The following KCNH6 variants were observed in gnomAD, a reference collection of about 807,000 sequenced individuals.
The protein encoded by KCNH6 is voltage-gated inwardly rectifying potassium channel KCNH6.
Under a neutral mutation model 83.4 loss-of-function variants are expected in KCNH6, and 81 were observed. That is an observed-to-expected ratio of 0.97 (90% CI 0.81 to 1.17). KCNH6 has a LOEUF of 1.17. KCNH6 is among the 50% of genes most tolerant of loss of function. KCNH6 has a pLI of 0.00. For missense variants in KCNH6, 1,203 were observed against 1,290.5 expected, an observed-to-expected ratio of 0.93 and a Z score of 1.04; for synonymous variants, 503 against 545.6, an observed-to-expected ratio of 0.92 and a Z score of 1.09.
Position 63,524,518 on chromosome 17 carries a change from C to T in KCNH6, c.307+149C>T, listed in dbSNP as rs551754720. ...CTAGGGGCCTTGGTTCCTCCACAGG[C>T]ATTGGATATGATGCCTTCTGAGGTC... is the stretch of plus-strand genomic sequence containing the variant. On this transcript the variant is annotated intron_variant, in intron 2 of 12. Transcript: ENST00000314672. The T allele has an allele frequency of 6.1e-6, 4 of 650,542 alleles. No individual in the cohort carries two copies. The South Asian group carries it at 7.5e-5, about 12-fold the overall frequency. The allele number at this position is 650,542 out of a possible 1,614,324, so 40.3% of individuals were successfully genotyped here. A position where few individuals can be genotyped will look rare whatever the true frequency, so the allele number is the denominator to read the frequency against.
chr17:63,528,039 G>T (rs2031833450), intron 2 of KCNH6, among the ~76,000 whole-genome samples: 1 of 152,200 alleles, frequency 6.6e-6, no homozygotes, highest in African/African-American at 2.4e-5. Context: ...ACTGTGTATT[G>T]ACAGCCCCCA....
intron 8 of KCNH6, among the ~76,000 whole-genome samples, chr17:63,540,990 C>A (rs1419979762): frequency 6.6e-6 from 1 of 152,218 alleles, no homozygotes; most frequent in African/African-American, 2.4e-5. Context: ...CCCAGCCACC[C>A]CTGGCAGGAG....
At chr17:63,528,452 A>G (rs939590366) in intron 2 of KCNH6, among the ~76,000 whole-genome samples, 2 of 152,102 alleles carry the variant, frequency 1.3e-5, no homozygotes, top group African/African-American at 2.4e-5. Flanking sequence ...GAGGGAGGAT[A>G]TGGGTGGCTC....
At chr17:63,539,609 G>A (rs988453582) in intron 8 of KCNH6, among the ~76,000 whole-genome samples, 9 of 152,192 alleles carry the variant, frequency 5.9e-5, no homozygotes, top group African/African-American at 1.7e-4. Flanking sequence ...TCACTGTGAA[G>A]CATCTGCCTA....
In KCNH6 at chr17:63,530,515, A is replaced by G. The variant is rs1474226856; in HGVS notation, c.648A>G (p.Thr216=). 3 of 1,614,142 alleles carry G rather than the reference A, an allele frequency of 1.9e-6. No individual in the cohort carries two copies. Among genetic ancestry groups the G allele is most frequent in the Non-Finnish European group, 1.7e-6 (2 of 1,180,048 alleles). ...IIAPHKVVER[T]QNVTEKVTQV... ...CGCCCCATAAGGTGGTGGAGCGGAC[A>G]CAGAACGTCACTGAGAAGGTCACCC... The change falls in exon 4 of 13, where the codon ACA becomes ACG. Residue 216 remains threonine (T), a synonymous_variant. Transcript: ENST00000314672.
At position 63,529,926 on chromosome 17, in the gene KCNH6, G is replaced by A. The variant is rs148557389; in HGVS notation, c.308-165G>A. Among the ~76,000 whole-genome samples the A allele has an allele frequency of 7.5e-3, 1,145 of 152,308 alleles. 4 individuals carry two copies. The highest frequency in any genetic ancestry group is 0.011 in the Non-Finnish European group (748 of 68,014). On this transcript the variant is annotated intron_variant, in intron 2 of 12. Transcript: ENST00000314672. The stretch of plus-strand genomic sequence containing the variant: ...CTGCCCTGTGGGTGGAGCACCAGCT[G>A]AGCAGCCTCACCCACCCTCTGCCCA...
In KCNH6 at chr17:63,536,274, G is replaced by T. The variant is rs529201111; in HGVS notation, c.1501+206G>T. ...AACACCCACACAGCCCATGCTATCT[G>T]CCAGGCACCAAGACAGGCTACATAA... On this transcript the variant is annotated intron_variant, in intron 6 of 12. Coordinates refer to ENST00000314672, the MANE Select transcript of KCNH6 (RefSeq NM_001278919.2). The T allele has an allele frequency of 4.1e-5, 24 of 581,962 alleles. No homozygotes were observed. The Admixed American group carries it at 6.4e-4, about 16-fold the overall frequency. The allele number at this position is 581,962 out of a possible 1,614,324, so 36.0% of individuals were successfully genotyped here. A position where few individuals can be genotyped will look rare whatever the true frequency, so the allele number is the denominator to read the frequency against.
In KCNH6 at chr17:63,534,476, C is replaced by T. The variant is rs2032349519; in HGVS notation, c.1101+165C>T. Among the ~76,000 whole-genome samples the T allele has an allele frequency of 6.6e-6, 1 of 152,132 alleles. No individual in the cohort carries two copies. Among genetic ancestry groups the T allele is most frequent in the South Asian group, 2.1e-4 (1 of 4,832 alleles). On this transcript the variant is annotated intron_variant, in intron 5 of 12. Transcript: ENST00000314672. The surrounding 1 kb of genome is among the most constrained non-coding windows in gnomAD (Gnocchi z 5.0). ...GCCCCAAACATCTGTCACCTCCCAG[C>T]CCTGGAGAAGGACCTGCCAAGGCTG...
At chr17:63,530,613 C>G (rs1248237288) in intron 4 of KCNH6, 71 bp downstream of exon 4, 1 of 1,423,758 alleles carries the variant, frequency 7.0e-7, no homozygotes, top group African/African-American at 1.4e-5. Flanking sequence ...GCTCTGGGCC[C>G]AGGCCCTTCT....
Position 63,533,804 on chromosome 17 carries a change from C to G in KCNH6, c.676-82C>G. ...GGTCACCCACCCTCTCCCACTACAC[C>G]TTCCCCAGGCCTCAGCCCTCTAGGC... On this transcript the variant is annotated intron_variant, in intron 4 of 12. Coordinates refer to ENST00000314672, the MANE Select transcript of KCNH6 (RefSeq NM_001278919.2). The surrounding 1 kb of genome is among the most constrained non-coding windows in gnomAD (Gnocchi z 4.1). 7.3e-7 allele frequency: 1 copy of G among 1,379,020 alleles called. No individual in the cohort carries two copies. The highest frequency in any genetic ancestry group is 1.0e-6 in the Non-Finnish European group (1 of 1,001,096). 85.4% of individuals were successfully genotyped at this position (1,379,020 alleles called of 1,614,324 possible). A position where few individuals can be genotyped will look rare whatever the true frequency, so the allele number is the denominator to read the frequency against.
At chr17:63,525,034 G>A (rs143470834) in intron 2 of KCNH6, among the ~76,000 whole-genome samples, 89 of 152,340 alleles carry the variant, frequency 5.8e-4, no homozygotes, top group Middle Eastern at 3.4e-3. Flanking sequence ...GGGTGGGAAC[G>A]AGGAAAAGAG....
intron 8 of KCNH6, among the ~76,000 whole-genome samples, chr17:63,539,851 T>G (rs576045552): frequency 6.6e-6 from 1 of 152,284 alleles, no homozygotes; most frequent in Non-Finnish European, 1.5e-5. Context: ...GAAATAGACA[T>G]CTGTACATCT....
chr17:63,542,579 C>T (rs921045234), intron 9 of KCNH6, 145 bp downstream of exon 9: 35 of 696,990 alleles, frequency 5.0e-5, no homozygotes, highest in Non-Finnish European at 7.6e-5. Context: ...CCATGGCTGG[C>T]GTCATGCTAA....
In KCNH6 at chr17:63,532,193, C is replaced by G. The variant is rs201362007; in HGVS notation, c.675+1651C>G. Among the ~76,000 whole-genome samples the G allele has an allele frequency of 3.5e-4, 53 of 152,316 alleles. No homozygotes were observed. The East Asian group carries it at 8.7e-3, about 25-fold the overall frequency. On this transcript the variant is annotated intron_variant, in intron 4 of 12. Coordinates refer to ENST00000314672, the MANE Select transcript of KCNH6 (RefSeq NM_001278919.2). ...TCAGCCTACTTTAAACCACCCCCCACCATTCCTTCTGTCTCCCTCCCACTC... is the reference window on the plus strand; with the variant it reads ...TCAGCCTACTTTAAACCACCCCCCAGCATTCCTTCTGTCTCCCTCCCACTC...
chr17:63,547,249 A>G (rs1286876888), downstream of KCNH6, among the ~76,000 whole-genome samples: 2 of 152,086 alleles, frequency 1.3e-5, no homozygotes, highest in Non-Finnish European at 2.9e-5. Flanking sequence ...ATAAAAAAAG[A>G]GGCCAGGTGT....
chr17:63,546,252 A>AAG lies in KCNH6; in HGVS notation c.*351_*352insGA, dbSNP rs2033143300. On this transcript the variant is annotated 3_prime_UTR_variant, in exon 13 of 13. Transcript: ENST00000314672. ...GAGACTCCAACTCAAAAAAAAAAAA[A>AAG]AAAAAGATCTTGGGGAGGCAGACAG... is the stretch of plus-strand genomic sequence containing the variant. 1 of 163,374 alleles carries AAG rather than the reference A, an allele frequency of 6.1e-6. No individual in the cohort carries two copies. Among genetic ancestry groups the AAG allele is most frequent in the Non-Finnish European group, 1.3e-5 (1 of 74,912 alleles). The allele number at this position is 163,374 out of a possible 1,614,324, so 10.1% of individuals were successfully genotyped here.
chr17:63,547,267 C>T (rs1025874548), downstream of KCNH6, among the ~76,000 whole-genome samples: 2 of 152,086 alleles, frequency 1.3e-5, no homozygotes, highest in Non-Finnish European at 2.9e-5. Flanking sequence ...TGTAGTGGCT[C>T]ATGCCTGTAA....
rs1404323239 is a variant in KCNH6, at chr17:63,545,799, C to T, written c.2774C>T (p.Pro925Leu). 2 of 1,614,154 alleles carry T rather than the reference C, an allele frequency of 1.2e-6. No homozygotes were observed. The highest frequency in any genetic ancestry group is 1.1e-5 in the South Asian group (1 of 91,074). Reference sequence around the variant, plus strand: ...GAAGTACAAGGACTCATCTGTGGTCCCTGCTTCTCCTCCCTCCCTGAACAC... The same window carrying T: ...GAAGTACAAGGACTCATCTGTGGTCTCTGCTTCTCCTCCCTCCCTGAACAC... Reference protein sequence around the residue: ...PLEVQGLICGPCFSSLPEHLG... With the variant: ...PLEVQGLICGLCFSSLPEHLG... Residue 925 changes from proline to leucine, a missense_variant, in exon 13 of 13, where the codon CCC becomes CTC. Physicochemically the swap from Pro to Leu is moderately conservative, Grantham distance 98. Coordinates refer to ENST00000314672, the MANE Select transcript of KCNH6 (RefSeq NM_001278919.2).
chr17:63,544,970 G>C (rs977084879), intron 11 of KCNH6, 108 bp from the exon 12 acceptor site: 1 of 1,094,200 alleles, frequency 9.1e-7, no homozygotes, highest in Admixed American at 1.8e-5. Context: ...TAGGCCCCAG[G>C]CCGCCATTCC....
Sources: gnomAD v4.1 joint callset for allele counts (sites outside exome capture counted in the v4.1 genomes callset) on GRCh38, gnomAD v4.1.1 for gene constraint, Gnocchi (gnomAD v3.1) non-coding constraint, MANE v1.5 for transcripts, NCBI Gene and HGNC (gene_info 2026-07-23, HGNC 2026-07-21) for gene names.